Variants in TNFSF13B observed in about 807,000 individuals in gnomAD.
TNFSF13B encodes the protein TNF superfamily member 13b.
In TNFSF13B, 8 loss-of-function variants were observed where a neutral mutation model predicts 29.1. That is an observed-to-expected ratio of 0.27 (90% CI 0.16 to 0.50). The LOEUF (loss-of-function observed/expected upper bound fraction) is 0.50, where lower values mean the gene tolerates loss of function less well. TNFSF13B is among the 20% of genes least tolerant of loss of function. The pLI is 0.98. For synonymous variants in TNFSF13B, 125 were observed against 130.8 expected, an observed-to-expected ratio of 0.96 and a Z score of 0.30; for missense variants, 248 against 334.9, an observed-to-expected ratio of 0.74 and a Z score of 2.03.
chr13:108,287,206 C>A (rs1189183998), intron 3 of TNFSF13B, among the ~76,000 whole-genome samples: 1 of 151,974 alleles, frequency 6.6e-6, no homozygotes, highest in Non-Finnish European at 1.5e-5. Flanking sequence ...ACCAACATGG[C>A]ACATGTATAC....
Position 108,269,743 on chromosome 13 carries a change from A to G in TNFSF13B, c.-153A>G. On this transcript the variant is annotated 5_prime_UTR_variant, in exon 1 of 6. Transcript: ENST00000375887. Reference sequence around the variant, plus strand: ...AGGGGTAGAGATGCAGAAAGGCAGAAAGGAGAAAATTCAGGATAACTCTCC... The same window carrying G: ...AGGGGTAGAGATGCAGAAAGGCAGAGAGGAGAAAATTCAGGATAACTCTCC... 2 of 702,652 alleles carry G rather than the reference A, an allele frequency of 2.8e-6. No homozygotes were observed. The highest frequency in any genetic ancestry group is 5.2e-5 in the East Asian group (2 of 38,646). 43.5% of individuals were successfully genotyped at this position (702,652 alleles called of 1,614,324 possible). A position where few individuals can be genotyped will look rare whatever the true frequency, so the allele number is the denominator to read the frequency against.
At chr13:108,288,671 C>A (rs1881212506) in intron 3 of TNFSF13B, among the ~76,000 whole-genome samples, 1 of 152,186 alleles carries the variant, frequency 6.6e-6, no homozygotes, top group Non-Finnish European at 1.5e-5. Context: ...TGGTTTTCTA[C>A]TTTGAAAGAG....
In TNFSF13B at chr13:108,284,331, AAAATAAAT is replaced by A. The variant is rs200100764; in HGVS notation, c.425-2455_425-2448del. Reference sequence around the variant, plus strand: ...GCGACAGAGCGAGACTCCGTCTCAAAAAATAAATAAATAAATAAATAAATGAATAAATA... The same window carrying A: ...GCGACAGAGCGAGACTCCGTCTCAAAAAATAAATAAATAAATGAATAAATA... On this transcript the variant is annotated intron_variant, in intron 2 of 5. Coordinates refer to ENST00000375887, the MANE Select transcript of TNFSF13B (RefSeq NM_006573.5). Among the ~76,000 whole-genome samples, 644 of 140,430 alleles carry A rather than the reference AAAATAAAT, an allele frequency of 4.6e-3. 3 individuals carry two copies. Among genetic ancestry groups the A allele is most frequent in the African/African-American group, 0.015 (602 of 40,038 alleles). The allele number at this position is 140,430 out of a possible 152,430, so 92.1% of individuals were successfully genotyped here.
chr13:108,290,469 C>T (rs887001351), intron 3 of TNFSF13B, among the ~76,000 whole-genome samples: 1 of 152,108 alleles, frequency 6.6e-6, no homozygotes, highest in Non-Finnish European at 1.5e-5. Context: ...AGCAAAAGAG[C>T]ATCAGGTGAA....
rs58093140 is a variant in TNFSF13B, at chr13:108,307,016, C to CAAAAAAAAA, written c.*101_*109dup. ...GAAGAAAGAATCTAACTGAAAATAC[C>CAAAAAAAAA]AAAAAAAAAAAAAAAAAAAAAAAAA... On this transcript the variant is annotated 3_prime_UTR_variant, in exon 6 of 6. Coordinates refer to ENST00000375887, the MANE Select transcript of TNFSF13B (RefSeq NM_006573.5). The CAAAAAAAAA allele has an allele frequency of 2.2e-4, 17 of 76,664 alleles. No individual in the cohort carries two copies. The highest frequency in any genetic ancestry group is 3.3e-4 in the South Asian group (2 of 6,038). The allele number at this position is 76,664 out of a possible 1,614,324, so 4.7% of individuals were successfully genotyped here.
At chr13:108,302,526 C>T (rs983819390) in intron 3 of TNFSF13B, among the ~76,000 whole-genome samples, 1 of 89,166 alleles carries the variant, frequency 1.1e-5, no homozygotes, top group African/African-American at 5.8e-5. Flanking sequence ...GATTCTGGCT[C>T]AGCAATGTAG....
rs9559286 is a variant in TNFSF13B at position 108,275,947 on chromosome 13, T to C, written c.424+5523T>C. 7.9e-5 allele frequency among the ~76,000 whole-genome samples: 12 copies of C among 152,372 alleles called. No homozygotes were observed. In the East Asian group the frequency reaches 1.7e-3, roughly 22 times the overall value. ...TAGCATATATAAACACCAAATATTA[T>C]ACCTTAAGTTTTCTATCGGATAAAC... On this transcript the variant is annotated intron_variant, in intron 2 of 5. Transcript: ENST00000375887.
chr13:108,298,811 A>G (rs1048385707), intron 3 of TNFSF13B, among the ~76,000 whole-genome samples: 1 of 145,158 alleles, frequency 6.9e-6, no homozygotes, highest in African/African-American at 2.6e-5. Context: ...TCTCTACTAA[A>G]AATACAAAAC....
rs545340602 is a variant in TNFSF13B, at chr13:108,295,720, C to G, written c.482-7533C>G. On this transcript the variant is annotated intron_variant, in intron 3 of 5. Transcript: ENST00000375887. ...CTTTCACTGCTTCCTATGAATATTGCTATGCTGTGTTTTTATTTTCAATCA... is the reference window on the plus strand; with the variant it reads ...CTTTCACTGCTTCCTATGAATATTGGTATGCTGTGTTTTTATTTTCAATCA... 7.1e-4 allele frequency among the ~76,000 whole-genome samples: 103 copies of G among 145,332 alleles called. 15 individuals carry two copies. The highest frequency in any genetic ancestry group is 2.6e-3 in the African/African-American group (101 of 38,682).
rs2139064431 is a variant in TNFSF13B at position 108,297,138 on chromosome 13, C to T, written c.482-6115C>T. ...CATTTCTCACAGGGTAAGTCTGCTA[C>T]CAATGAACTCTCTCAGTTTTTCTTT... On this transcript the variant is annotated intron_variant, in intron 3 of 5. Transcript: ENST00000375887. 1.4e-5 allele frequency among the ~76,000 whole-genome samples: 2 copies of T among 145,330 alleles called. 1 individual carries two copies. The highest frequency in any genetic ancestry group is 5.2e-5 in the African/African-American group (2 of 38,758).
At position 108,286,843 on chromosome 13, in the gene TNFSF13B, A is replaced by G. The variant is rs1277687774; in HGVS notation, c.465A>G (p.Thr155=). Residue 155 remains threonine (T), a synonymous_variant, in exon 3 of 6, where the codon ACA becomes ACG. Transcript: ENST00000375887. ...TGCAACTGATTGCAGACAGTGAAAC[A>G]CCAACTATACAAAAAGGTAATAAAA... ...DCLQLIADSE[T]PTIQKGSYTF... is the part of the protein sequence containing the mutation. 2.5e-6 allele frequency: 4 copies of G among 1,569,606 alleles called. No individual in the cohort carries two copies. The highest frequency in any genetic ancestry group is 3.5e-6 in the Non-Finnish European group (4 of 1,153,068).
Position 108,279,773 on chromosome 13 carries a change from C to G in TNFSF13B, c.425-7030C>G, listed in dbSNP as rs114202505. ...TGTCAAGAATGGTGAGGTAGGGATTCGAATTTAGGCTGCTATGCTCCTCAT... is the reference window on the plus strand; with the variant it reads ...TGTCAAGAATGGTGAGGTAGGGATTGGAATTTAGGCTGCTATGCTCCTCAT... On this transcript the variant is annotated intron_variant, in intron 2 of 5. Transcript: ENST00000375887. Among the ~76,000 whole-genome samples the G allele has an allele frequency of 6.7e-3, 1,020 of 152,194 alleles. 12 individuals carry two copies. The highest frequency in any genetic ancestry group is 0.023 in the African/African-American group (936 of 41,508).
Position 108,306,894 on chromosome 13 carries a change from C to T in TNFSF13B, c.814C>T (p.Leu272=), listed in dbSNP as rs746492962. ...ACCAAGAGAAAATGCACAAATATCACTGGATGGAGATGTCACATTTTTTGG... is the reference window on the plus strand; with the variant it reads ...ACCAAGAGAAAATGCACAAATATCATTGGATGGAGATGTCACATTTTTTGG... ...AIPRENAQIS[L]DGDVTFFGAL... The change falls in exon 6 of 6, where the codon CTG becomes TTG. Residue 272 remains leucine, a synonymous_variant. Transcript: ENST00000375887. 4.3e-5 allele frequency: 70 copies of T among 1,610,850 alleles called. No individual in the cohort carries two copies. Among genetic ancestry groups the T allele is most frequent in the Non-Finnish European group, 5.6e-5 (66 of 1,178,414 alleles).
intron 3 of TNFSF13B, among the ~76,000 whole-genome samples, chr13:108,292,270 T>C (rs555664366): frequency 1.0e-3 from 158 of 152,224 alleles, no homozygotes; most frequent in African/African-American, 3.7e-3. Flanking sequence ...GCATGATGTT[T>C]TGAGGTTCAC....
chr13:108,271,056 G>A (rs1208080976), intron 2 of TNFSF13B, among the ~76,000 whole-genome samples: 3 of 151,372 alleles, frequency 2.0e-5, no homozygotes, highest in Non-Finnish European at 4.4e-5. Flanking sequence ...TCTTATAATC[G>A]TCCTTTACTG....
At chr13:108,277,370 C>T (rs1417325911) in intron 2 of TNFSF13B, among the ~76,000 whole-genome samples, 2 of 152,168 alleles carry the variant, frequency 1.3e-5, no homozygotes, top group African/African-American at 4.8e-5. Context: ...TCTATTTTCG[C>T]AGCAGTATGA....
intron 3 of TNFSF13B, among the ~76,000 whole-genome samples, chr13:108,301,603 A>G (rs914104170): frequency 2.6e-5 from 4 of 152,162 alleles, no homozygotes; most frequent in African/African-American, 7.2e-5. Context: ...AAATTCAAAG[A>G]AGTAGAGAGT....
intron 2 of TNFSF13B, among the ~76,000 whole-genome samples, chr13:108,277,279 A>T (rs1880787822): frequency 6.6e-6 from 1 of 152,246 alleles, no homozygotes; most frequent in Non-Finnish European, 1.5e-5. Flanking sequence ...AAGTTAAGCC[A>T]AATTGATGCA....
chr13:108,304,860 A>C (rs537784502), intron 5 of TNFSF13B, among the ~76,000 whole-genome samples: 14 of 152,314 alleles, frequency 9.2e-5, no homozygotes, highest in African/African-American at 3.1e-4. Context: ...TTATAAAATT[A>C]GAATTCCCTA....
Sources: gnomAD v4.1 joint callset for allele counts (sites outside exome capture counted in the v4.1 genomes callset) on GRCh38, gnomAD v4.1.1 for gene constraint, MANE v1.5 for transcripts, NCBI Gene and HGNC (gene_info 2026-07-23, HGNC 2026-07-21) for gene names.